The following HDGFL3 variants were observed in gnomAD, a reference collection of about 807,000 sequenced individuals.
HDGFL3 encodes hepatoma-derived growth factor-related protein 3.
A neutral mutation model predicts 27.6 loss-of-function variants in HDGFL3; 6 were observed. That is an observed-to-expected ratio of 0.22 (90% CI 0.12 to 0.43). The LOEUF is 0.43. Among genes scored for constraint, HDGFL3 ranks in the 20% least tolerant of loss-of-function variants. The pLI is 1.00. For synonymous variants in HDGFL3, 88 were observed against 88.9 expected (o/e 0.99, Z 0.05); for missense variants, 207 against 250.1 (o/e 0.83, Z 1.16).
At chr15:83,159,620 C>A (rs1596552273) in intron 2 of HDGFL3, among the ~76,000 whole-genome samples, 3 of 151,980 alleles carry the variant, frequency 2.0e-5, no homozygotes, top group Admixed American at 2.0e-4. Context: ...TATAGATATA[C>A]AGATCAAGGA....
In HDGFL3 at chr15:83,136,250, C is replaced by T. The variant is rs566582173; in HGVS notation, c.*3020G>A. 44 of 373,528 alleles carry T rather than the reference C, an allele frequency of 1.2e-4. No individual in the cohort carries two copies. Among genetic ancestry groups the T allele is most frequent in the African/African-American group, 7.7e-4 (37 of 48,210 alleles). 23.1% of individuals were successfully genotyped at this position (373,528 alleles called of 1,614,324 possible). A position where few individuals can be genotyped will look rare whatever the true frequency, so the allele number is the denominator to read the frequency against. On this transcript the variant is annotated 3_prime_UTR_variant, in exon 6 of 6. Coordinates refer to ENST00000299633, the MANE Select transcript of HDGFL3 (RefSeq NM_016073.4). ...ATGATAAAACTACACTAAATAATATCTACTTTATTTGAACAGTCATATCAA... is the reference window on the plus strand; with the variant it reads ...ATGATAAAACTACACTAAATAATATTTACTTTATTTGAACAGTCATATCAA...
chr15:83,136,722 T>A lies in HDGFL3; in HGVS notation c.*2548A>T. 1 of 1,471,214 alleles carries A rather than the reference T, an allele frequency of 6.8e-7. No homozygotes were observed. The highest frequency in any genetic ancestry group is 9.2e-7 in the Non-Finnish European group (1 of 1,082,328). The allele number at this position is 1,471,214 out of a possible 1,614,324, so 91.1% of individuals were successfully genotyped here. A position where few individuals can be genotyped will look rare whatever the true frequency, so the allele number is the denominator to read the frequency against. On this transcript the variant is annotated 3_prime_UTR_variant, in exon 6 of 6. Coordinates refer to ENST00000299633, the MANE Select transcript of HDGFL3 (RefSeq NM_016073.4). The stretch of plus-strand genomic sequence containing the variant: ...TCTAAATTACTAACTTTTGTTATAC[T>A]GGTACTGATATTTTGTCCCATTTCA...
rs1160913925 is a variant in HDGFL3, at chr15:83,200,334, C to CA, written c.84+6996dup. 6.7e-3 allele frequency among the ~76,000 whole-genome samples: 896 copies of CA among 132,742 alleles called. 8 individuals carry two copies. The highest frequency in any genetic ancestry group is 0.021 in the African/African-American group (753 of 36,234). The allele number at this position is 132,742 out of a possible 152,430, so 87.1% of individuals were successfully genotyped here. On this transcript the variant is annotated intron_variant, in intron 1 of 5. Transcript: ENST00000299633. ...TTCATGACAGAGCAAGACTCCATCT[C>CA]AAAAAAAAAAAAGAAAGAAAAAAAA...
intron 3 of HDGFL3, chr15:83,122,737 T>A (rs1320077462): frequency 6.2e-7 from 1 of 1,610,200 alleles, no homozygotes; most frequent in Non-Finnish European, 8.5e-7. Context: ...AACTTCTTTC[T>A]CTTTCTCTCT....
chr15:83,192,241 C>G (rs887008273), intron 1 of HDGFL3: 1 of 453,938 alleles, frequency 2.2e-6, no homozygotes, highest in Admixed American at 2.4e-5. Flanking sequence ...AGTGCCTGAC[C>G]TGTAACTCAC....
At chr15:83,144,774 C>T (rs949265931) in intron 5 of HDGFL3, 2 of 339,006 alleles carry the variant, frequency 5.9e-6, no homozygotes, top group African/African-American at 4.3e-5. Flanking sequence ...AGACCCAGAG[C>T]CAGAGGATTT....
chr15:83,124,761 C>T, downstream of HDGFL3: 1 of 1,613,818 alleles, frequency 6.2e-7, no homozygotes, highest in Middle Eastern at 1.7e-4. Context: ...CTGGATTTTG[C>T]CTGTTCAGAG....
At chr15:83,152,433 G>C (rs957845150) in intron 4 of HDGFL3, among the ~76,000 whole-genome samples, 22 of 152,306 alleles carry the variant, frequency 1.4e-4, no homozygotes, top group African/African-American at 4.6e-4. Context: ...GGGCGCAGTG[G>C]CTCACGCCTT....
At position 83,179,559 on chromosome 15, in the gene HDGFL3, T is replaced by C. The variant is rs943785211; in HGVS notation, c.85-15484A>G. Among the ~76,000 whole-genome samples the C allele has an allele frequency of 3.7e-4, 57 of 152,228 alleles. 1 individual carries two copies. Among genetic ancestry groups the C allele is most frequent in the Middle Eastern group, 6.8e-3 (2 of 294 alleles). On this transcript the variant is annotated intron_variant, in intron 1 of 5. Coordinates refer to ENST00000299633, the MANE Select transcript of HDGFL3 (RefSeq NM_016073.4). ...AGAGGGCTAGGCAAGGATACCAAGG[T>C]TCTCCATAGGCAAAGCCTCTTCTCT...
At chr15:83,123,260 C>A (rs2151366904), downstream of HDGFL3, among the ~76,000 whole-genome samples, 1 of 152,220 alleles carries the variant, frequency 6.6e-6, no homozygotes, top group East Asian at 1.9e-4. Context: ...TTTACTACCC[C>A]AAGAGGACAC....
intron 1 of HDGFL3, among the ~76,000 whole-genome samples, chr15:83,204,845 T>C (rs1236020423): frequency 6.6e-6 from 1 of 152,236 alleles, no homozygotes. Context: ...AGCCAAGAGC[T>C]GAATCCAACC....
chr15:83,185,748 C>T (rs991101526), intron 1 of HDGFL3, among the ~76,000 whole-genome samples: 7 of 152,164 alleles, frequency 4.6e-5, no homozygotes, highest in African/African-American at 1.4e-4. Context: ...GTGTGATCCC[C>T]ACTCTTGATA....
At chr15:83,139,795 T>A (rs973657900) in intron 5 of HDGFL3, among the ~76,000 whole-genome samples, 4 of 152,042 alleles carry the variant, frequency 2.6e-5, no homozygotes, top group Non-Finnish European at 2.9e-5. Context: ...TTCTTGCTTT[T>A]AAAAAAAACA....
intron 1 of HDGFL3, among the ~76,000 whole-genome samples, chr15:83,196,061 CA>C (rs35997853): frequency 6.6e-6 from 1 of 150,426 alleles, no homozygotes; most frequent in Admixed American, 6.6e-5. Flanking sequence ...AATAAACGGT[CA>C]AAAAAAGGGA....
intron 1 of HDGFL3, chr15:83,181,012 T>C (rs895923980): frequency 1.3e-5 from 2 of 152,076 alleles, no homozygotes; most frequent in African/African-American, 4.8e-5. Flanking sequence ...AAATACTAGT[T>C]TGAAAAAATG....
At chr15:83,158,427 G>A (rs1377396589) in intron 2 of HDGFL3, among the ~76,000 whole-genome samples, 1 of 152,108 alleles carries the variant, frequency 6.6e-6, no homozygotes, top group East Asian at 1.9e-4. Context: ...GAAATTCACA[G>A]TAAAAATATA....
At chr15:83,191,427 C>G (rs115045273) in intron 1 of HDGFL3, among the ~76,000 whole-genome samples, 1 of 152,138 alleles carries the variant, frequency 6.6e-6, no homozygotes, top group African/African-American at 2.4e-5. Flanking sequence ...TAAAAATAAG[C>G]CACAGTCATG....
At chr15:83,120,962 G>A (rs1384637032) in intron 3 of HDGFL3, among the ~76,000 whole-genome samples, 1 of 146,302 alleles carries the variant, frequency 6.8e-6, no homozygotes, top group Admixed American at 6.8e-5. Context: ...CGGGGGTGGG[G>A]CAGGACGCAC....
chr15:83,181,636 C>T (rs1457371728), intron 1 of HDGFL3, among the ~76,000 whole-genome samples: 3 of 152,086 alleles, frequency 2.0e-5, no homozygotes, highest in Non-Finnish European at 4.4e-5. Flanking sequence ...CCACCACGCC[C>T]GGCTAATTTT....
Sources: allele counts gnomAD v4.1 joint callset (sites outside exome capture counted in the v4.1 genomes callset), GRCh38; gene constraint gnomAD v4.1.1; transcripts MANE v1.5; gene names NCBI Gene and HGNC (gene_info 2026-07-23, HGNC 2026-07-21).